Variants in BACH2 observed in about 807,000 individuals in gnomAD.
BACH2 encodes transcription regulator protein BACH2.
BACH2 carries 5 observed loss-of-function variants against 61.8 expected under a neutral mutation model. The ratio of observed to expected loss-of-function variants is 0.08; its 90% CI spans 0.04 to 0.17. The LOEUF (loss-of-function observed/expected upper bound fraction) is 0.17, where lower values mean the gene tolerates loss of function less well. Among genes scored for constraint, BACH2 ranks in the 10% least tolerant of loss-of-function variants. The pLI is 1.00. For missense variants in BACH2, 824 were observed against 1,091.1 expected (o/e 0.76, Z 3.45); for synonymous variants, 446 against 440.1 (o/e 1.01, Z -0.17).
rs560870898 is a variant in BACH2, at chr6:89,948,107, G to A, written c.1836+2163C>T. On this transcript the variant is annotated intron_variant, in intron 7 of 8. Coordinates refer to ENST00000257749, the MANE Select transcript of BACH2 (RefSeq NM_021813.4). The stretch of plus-strand genomic sequence containing the variant: ...AGCTCTCTTTTGGGATATTGGCGGC[G>A]AGGGTGGGGGGACACAAAAGAAGAT... Among the ~76,000 whole-genome samples the A allele has an allele frequency of 4.6e-5, 7 of 152,208 alleles. 1 individual carries two copies. The South Asian group carries it at 8.3e-4, about 18-fold the overall frequency.
At chr6:90,261,948 A>G (rs1771172826) in intron 2 of BACH2, among the ~76,000 whole-genome samples, 1 of 152,108 alleles carries the variant, frequency 6.6e-6, no homozygotes, top group African/African-American at 2.4e-5. Flanking sequence ...CTTCTGTAGG[A>G]GCAGAGTGAC....
chr6:89,930,228 C>CTTTTTTT lies in BACH2; in HGVS notation c.*2173_*2179dup, dbSNP rs397885211. ...AGTGGAACTGTTTAAAAAGAAAAGC[C>CTTTTTTT]TTTTTTTTTTTTTTTTTTTTTTTTT... On this transcript the variant is annotated 3_prime_UTR_variant, in exon 9 of 9. Transcript: ENST00000257749. 1 of 53,426 alleles carries CTTTTTTT rather than the reference C, an allele frequency of 1.9e-5. No individual in the cohort carries two copies. Among genetic ancestry groups the CTTTTTTT allele is most frequent in the Non-Finnish European group, 3.4e-5 (1 of 29,556 alleles). The allele number at this position is 53,426 out of a possible 1,614,324, so 3.3% of individuals were successfully genotyped here.
At chr6:90,132,325 ACAGCTTTGAT>A (rs1455389255) in intron 4 of BACH2, among the ~76,000 whole-genome samples, 1 of 152,100 alleles carries the variant, frequency 6.6e-6, no homozygotes, top group Non-Finnish European at 1.5e-5. Flanking sequence ...TACCCCCTAA[ACAGCTTTGAT>A]CAAATCTGGG....
chr6:90,115,328 A>C (rs770267200), intron 4 of BACH2, among the ~76,000 whole-genome samples: 4 of 152,182 alleles, frequency 2.6e-5, no homozygotes, highest in Admixed American at 2.6e-4. Flanking sequence ...ACAAACACAT[A>C]AACCAATGGA....
intron 3 of BACH2, among the ~76,000 whole-genome samples, chr6:90,229,263 A>G (rs1175221175): frequency 6.6e-6 from 1 of 152,228 alleles, no homozygotes; most frequent in Non-Finnish European, 1.5e-5. Flanking sequence ...GTTCAAGACC[A>G]GCCTGGCCAA....
intron 4 of BACH2, among the ~76,000 whole-genome samples, chr6:90,135,011 G>C (rs1013371297): frequency 6.6e-6 from 1 of 152,272 alleles, no homozygotes; most frequent in Non-Finnish European, 1.5e-5. Context: ...TATACTCCTG[G>C]AATAATTTTC....
chr6:90,136,214 C>G (rs750765759), intron 4 of BACH2, among the ~76,000 whole-genome samples: 6 of 152,182 alleles, frequency 3.9e-5, no homozygotes, highest in Non-Finnish European at 8.8e-5. Context: ...TCCAGAGATA[C>G]CTACATAATT....
At position 90,249,587 on chromosome 6, in the gene BACH2, A is replaced by G. The variant is rs566171211; in HGVS notation, c.-275+2926T>C. ...GGAGTTCGAGACCAGCCTGAGCAAC[A>G]TGGTGAGACTCCCATCTCTACTACA... On this transcript the variant is annotated intron_variant, in intron 3 of 8. Coordinates refer to ENST00000257749, the MANE Select transcript of BACH2 (RefSeq NM_021813.4). 2.0e-5 allele frequency among the ~76,000 whole-genome samples: 3 copies of G among 152,264 alleles called. No homozygotes were observed. In the South Asian group the frequency reaches 6.2e-4, roughly 32 times the overall value.
Position 90,038,994 on chromosome 6 carries a change from T to A in BACH2, c.-12-30138A>T, listed in dbSNP as rs187581660. On this transcript the variant is annotated intron_variant, in intron 5 of 8. Transcript: ENST00000257749. ...GGGAGAGGTTGCAGTGAGCTGAGAT[T>A]GCACCACTGCACCCCAGCCTGGGAA... is the stretch of plus-strand genomic sequence containing the variant. Among the ~76,000 whole-genome samples, 3 of 150,794 alleles carry A rather than the reference T, an allele frequency of 2.0e-5. No homozygotes were observed. The East Asian group carries it at 5.9e-4, about 29-fold the overall frequency.
At position 90,285,544 on chromosome 6, in the gene BACH2, C is replaced by CA. The variant is rs1205586659; in HGVS notation, c.-446+10935dup. Among the ~76,000 whole-genome samples, 13 of 150,770 alleles carry CA rather than the reference C, an allele frequency of 8.6e-5. No homozygotes were observed. The East Asian group carries it at 1.7e-3, about 20-fold the overall frequency. ...ATATTCCCAGAAAAATAAAGTGAAGCAAAAAAAAAGTTTTCCTGAGGCATA... is the reference window on the plus strand; with the variant it reads ...ATATTCCCAGAAAAATAAAGTGAAGCAAAAAAAAAAGTTTTCCTGAGGCATA... On this transcript the variant is annotated intron_variant, in intron 1 of 8. Transcript: ENST00000257749.
At chr6:90,264,960 CA>C (rs1771276839) in intron 2 of BACH2, among the ~76,000 whole-genome samples, 1 of 152,158 alleles carries the variant, frequency 6.6e-6, no homozygotes, top group African/African-American at 2.4e-5. Context: ...AAAAGGCTTT[CA>C]AAATTTCAGT....
chr6:90,287,383 T>A (rs549445726), intron 1 of BACH2, among the ~76,000 whole-genome samples: 1 of 152,268 alleles, frequency 6.6e-6, no homozygotes, highest in South Asian at 2.1e-4. Flanking sequence ...CCGCTGCTTT[T>A]TTTTTCTTCT....
At chr6:90,181,699 A>G (rs12174872) in intron 4 of BACH2, among the ~76,000 whole-genome samples, 15,025 of 152,112 alleles carry the variant, frequency 0.099, 1,090 homozygotes, top group East Asian at 0.38. Context: ...CTCTAACCTC[A>G]GCCTCTTGAG....
At chr6:90,241,294 G>C (rs1193225270) in intron 3 of BACH2, among the ~76,000 whole-genome samples, 1 of 152,076 alleles carries the variant, frequency 6.6e-6, no homozygotes, top group African/African-American at 2.4e-5. Flanking sequence ...CTGTAGGGTG[G>C]TGGTATTCAC....
intron 3 of BACH2, among the ~76,000 whole-genome samples, chr6:90,252,266 C>T (rs966420539): frequency 6.6e-6 from 1 of 152,148 alleles, no homozygotes; most frequent in Non-Finnish European, 1.5e-5. Context: ...GATAATATCA[C>T]CTGCCATAAT....
chr6:90,189,614 CAAAA>C (rs59022545), intron 4 of BACH2, among the ~76,000 whole-genome samples: 9 of 47,772 alleles, frequency 1.9e-4, no homozygotes, highest in Admixed American at 1.3e-3. Context: ...GACTCCGTCT[CAAAA>C]AAAAAAAAAA....
intron 5 of BACH2, among the ~76,000 whole-genome samples, chr6:90,033,159 A>G (rs1007160394): frequency 6.6e-6 from 1 of 152,118 alleles, no homozygotes; most frequent in Admixed American, 6.5e-5. Context: ...TTGAACAATG[A>G]GAACATATGG....
intron 3 of BACH2, among the ~76,000 whole-genome samples, chr6:90,215,103 T>C (rs1769487801): frequency 6.6e-6 from 1 of 152,164 alleles, no homozygotes; most frequent in African/African-American, 2.4e-5. Context: ...TTATTCTTTT[T>C]GAGGGAGTAC....
intron 4 of BACH2, among the ~76,000 whole-genome samples, chr6:90,136,517 A>G (rs1291788581): frequency 6.6e-6 from 1 of 152,198 alleles, no homozygotes; most frequent in Non-Finnish European, 1.5e-5. Context: ...TACACATAGA[A>G]GGCACCCTAG....
Sources: gnomAD v4.1 joint callset for allele counts (sites outside exome capture counted in the v4.1 genomes callset) on GRCh38, gnomAD v4.1.1 for gene constraint, MANE v1.5 for transcripts, NCBI Gene and HGNC (gene_info 2026-07-23, HGNC 2026-07-21) for gene names.